CRB1: variants seen among roughly 807,000 people sequenced by gnomAD.
CRB1 encodes crumbs cell polarity complex component 1.
In CRB1, 83 loss-of-function variants were observed where a neutral mutation model predicts 120.0. The observed-to-expected ratio is 0.69, with a 90% CI of 0.58 to 0.83. The LOEUF (loss-of-function observed/expected upper bound fraction) is 0.83. Ranked by LOEUF, CRB1 falls within the 40% of genes least tolerant of loss-of-function variation. The probability of loss-of-function intolerance (pLI) is 0.00; values close to 1 mark genes in which losing one functional copy is unlikely to be tolerated. For missense variants in CRB1, 1,699 were observed against 1,687.6 expected (o/e 1.01, Z -0.12); for synonymous variants, 625 against 612.5 (o/e 1.02, Z -0.30).
intron 5 of CRB1, among the ~76,000 whole-genome samples, chr1:197,369,969 C>G (rs1661283256): frequency 1.3e-5 from 2 of 152,072 alleles, no homozygotes; most frequent in South Asian, 4.2e-4. Context: ...CAAAGGTAAG[C>G]TAAATGTCCT....
the CRB1 span, among the ~76,000 whole-genome samples, chr1:197,227,393 C>CT: frequency 0.031 from 4,346 of 138,074 alleles, 202 homozygotes; most frequent in African/African-American, 0.098. Context: ...TTTTCTTTTT[C>CT]TTTTTTTTTT....
At chr1:197,430,825 T>A (rs1350035062) in intron 8 of CRB1, among the ~76,000 whole-genome samples, 3 of 152,116 alleles carry the variant, frequency 2.0e-5, no homozygotes, top group African/African-American at 7.2e-5. Context: ...GTAAAATAAA[T>A]AAATTGATAT....
intron 11 of CRB1, among the ~76,000 whole-genome samples, chr1:197,469,292 C>T (rs1666880475): frequency 6.6e-6 from 1 of 152,088 alleles, no homozygotes; most frequent in African/African-American, 2.4e-5. Context: ...TAGTTCGTTC[C>T]CACGACTTCC....
At chr1:197,286,261 A>C (rs1203316201) in intron 1 of CRB1, among the ~76,000 whole-genome samples, 1 of 151,944 alleles carries the variant, frequency 6.6e-6, no homozygotes, top group African/African-American at 2.4e-5. Flanking sequence ...CAATCGTAAC[A>C]ACCTCATTTA....
rs1428256610 is a variant in CRB1, at chr1:197,439,339, T to C, written c.3878+664T>C. The C allele has an allele frequency of 2.6e-5, 4 of 153,704 alleles. No homozygotes were observed. The East Asian group carries it at 7.7e-4, about 30-fold the overall frequency. 9.5% of individuals were successfully genotyped at this position (153,704 alleles called of 1,614,324 possible). ...GGGGCTCTATAGAATACAGATACTA[T>C]ATAAGCAGATAATTGTTAACCTTTT... On this transcript the variant is annotated intron_variant, in intron 10 of 11. Transcript: ENST00000367400.
intron 11 of CRB1, among the ~76,000 whole-genome samples, chr1:197,455,913 G>C (rs897807797): frequency 7.4e-4 from 113 of 152,026 alleles, no homozygotes; most frequent in Admixed American, 5.9e-4. Flanking sequence ...ATTATAGACA[G>C]AAAGGAAGCC....
At chr1:197,278,167 C>G (rs554009584) in intron 1 of CRB1, among the ~76,000 whole-genome samples, 1 of 151,820 alleles carries the variant, frequency 6.6e-6, no homozygotes, top group South Asian at 2.1e-4. Context: ...GGGGGTGGGG[C>G]CTTTGGTAGG....
chr1:197,476,148 G>C (rs1431361707), intron 11 of CRB1, among the ~76,000 whole-genome samples: 2 of 151,924 alleles, frequency 1.3e-5, no homozygotes, highest in Non-Finnish European at 2.9e-5. Context: ...GACCTCAGGT[G>C]ATCTGCCCAC....
At chr1:197,214,765 A>G in the CRB1 span, among the ~76,000 whole-genome samples, 1 of 152,134 alleles carries the variant, frequency 6.6e-6, no homozygotes, top group Non-Finnish European at 1.5e-5. Flanking sequence ...AACAATTAAT[A>G]CTAATCCTTC....
At chr1:197,299,769 T>A (rs759982802) in intron 1 of CRB1, among the ~76,000 whole-genome samples, 1 of 152,068 alleles carries the variant, frequency 6.6e-6, no homozygotes, top group Non-Finnish European at 1.5e-5. Flanking sequence ...GACCATGATG[T>A]GCTATACAGA....
intron 5 of CRB1, among the ~76,000 whole-genome samples, chr1:197,398,892 TTGTGTGTGTGTG>T (rs140149936): frequency 4.0e-4 from 54 of 136,394 alleles, no homozygotes; most frequent in East Asian, 1.5e-3. Context: ...CAGGAAATGA[TTGTGTGTGTGTG>T]TGTGTGTGTG....
At chr1:197,358,854 G>T (rs983476698) in intron 5 of CRB1, among the ~76,000 whole-genome samples, 1 of 152,118 alleles carries the variant, frequency 6.6e-6, no homozygotes, top group Non-Finnish European at 1.5e-5. Flanking sequence ...AGAAAATCTA[G>T]TCTTTCTGTG....
intron 2 of CRB1, among the ~76,000 whole-genome samples, chr1:197,340,136 AATTTTGAGAGC>A (rs1659366837): frequency 6.6e-6 from 1 of 152,202 alleles, no homozygotes; most frequent in Non-Finnish European, 1.5e-5. Context: ...TATTAAGGGG[AATTTTGAGAGC>A]ACAGTGAAGC....
chr1:197,384,917 A>T (rs527479693), intron 5 of CRB1, among the ~76,000 whole-genome samples: 1 of 152,260 alleles, frequency 6.6e-6, no homozygotes, highest in African/African-American at 2.4e-5. Context: ...AAAAAGTAAA[A>T]CTAAAGCTAA....
In CRB1 at chr1:197,477,945, C is replaced by G; in HGVS notation, c.*66C>G. 1 of 1,420,680 alleles carries G rather than the reference C, an allele frequency of 7.0e-7. No individual in the cohort carries two copies. The highest frequency in any genetic ancestry group is 1.0e-6 in the Non-Finnish European group (1 of 1,004,374). The allele number at this position is 1,420,680 out of a possible 1,614,324, so 88.0% of individuals were successfully genotyped here. A position where few individuals can be genotyped will look rare whatever the true frequency, so the allele number is the denominator to read the frequency against. On this transcript the variant is annotated 3_prime_UTR_variant, in exon 12 of 12. Coordinates refer to ENST00000367400, the MANE Select transcript of CRB1 (RefSeq NM_201253.3). ...AATGTGATGACTGTACTTCAGGTATCTCTGACATACCTGACAATGTTAATC... is the reference window on the plus strand; with the variant it reads ...AATGTGATGACTGTACTTCAGGTATGTCTGACATACCTGACAATGTTAATC...
intron 1 of CRB1, among the ~76,000 whole-genome samples, chr1:197,319,635 A>G (rs1658072649): frequency 6.6e-6 from 1 of 151,956 alleles, no homozygotes; most frequent in African/African-American, 2.4e-5. Flanking sequence ...GGATCAGTTT[A>G]TTGCTTGTAA....
intron 4 of CRB1, among the ~76,000 whole-genome samples, chr1:197,352,697 T>C (rs1660172519): frequency 6.6e-6 from 1 of 151,636 alleles, no homozygotes; most frequent in Non-Finnish European, 1.5e-5. Flanking sequence ...TTTTTTTTTT[T>C]TTTTTTAACT....
chr1:197,470,000 G>T (rs916638124), intron 11 of CRB1, among the ~76,000 whole-genome samples: 1 of 152,132 alleles, frequency 6.6e-6, no homozygotes, highest in Non-Finnish European at 1.5e-5. Context: ...ACCTCCCCTT[G>T]CTGCTTCCGT....
chr1:197,371,973 A>G (rs563060056), intron 5 of CRB1, among the ~76,000 whole-genome samples: 1 of 152,214 alleles, frequency 6.6e-6, no homozygotes, highest in Non-Finnish European at 1.5e-5. Context: ...GCCCATGATG[A>G]GTTGCTTCTT....
Sources: allele counts gnomAD v4.1 joint callset (sites outside exome capture counted in the v4.1 genomes callset), GRCh38; gene constraint gnomAD v4.1.1; transcripts MANE v1.5; gene names NCBI Gene and HGNC (gene_info 2026-07-23, HGNC 2026-07-21).